CCDC69: variants seen among roughly 807,000 people sequenced by gnomAD.
CCDC69 encodes the protein coiled-coil domain-containing protein 69.
CCDC69 carries 38 observed loss-of-function variants against 40.3 expected under a neutral mutation model. That is an observed-to-expected ratio of 0.94 (90% CI 0.73 to 1.24). The LOEUF (loss-of-function observed/expected upper bound fraction) is 1.24. Ranked by LOEUF, CCDC69 falls within the 50% of genes most tolerant of loss-of-function variation. The pLI is 0.00. For synonymous variants in CCDC69, 141 were observed against 138.9 expected, an observed-to-expected ratio of 1.02 and a Z score of -0.11; for missense variants, 389 against 357.9, an observed-to-expected ratio of 1.09 and a Z score of -0.70.
intron 1 of CCDC69, among the ~76,000 whole-genome samples, chr5:151,221,404 AC>A (rs1417091296): frequency 6.6e-6 from 1 of 151,634 alleles, no homozygotes; most frequent in Non-Finnish European, 1.5e-5. Flanking sequence ...CTTCCAAACC[AC>A]CCTTCCTCAA....
chr5:151,184,273 A>C, intron 8 of CCDC69, 71 bp downstream of exon 8: 2 of 1,157,704 alleles, frequency 1.7e-6, no homozygotes, highest in Non-Finnish European at 2.6e-6. Flanking sequence ...AGGCCCCTCT[A>C]AGACTCTCCC....
chr5:151,184,335 G>C lies in CCDC69; in HGVS notation c.713+9C>G. On this transcript the variant is annotated intron_variant, in intron 8 of 8. Coordinates refer to ENST00000355417, the MANE Select transcript of CCDC69 (RefSeq NM_015621.3). ...GGGATGGGAGTAAAGGAGGCAGGAA[G>C]ACAGCTACCTTGACAGGACCACCTG... The C allele has an allele frequency of 6.2e-7, 1 of 1,609,076 alleles. No homozygotes were observed. The highest frequency in any genetic ancestry group is 2.2e-5 in the East Asian group (1 of 44,880).
chr5:151,187,449 G>C lies in CCDC69; in HGVS notation c.330C>G (p.Ala110=), dbSNP rs61745455. 1.2e-6 allele frequency: 2 copies of C among 1,613,738 alleles called. No homozygotes were observed. Among genetic ancestry groups the C allele is most frequent in the Non-Finnish European group, 1.7e-6 (2 of 1,179,850 alleles). ...GCGCTTCTTTCTCCTGTTCATATGA[G>C]GCCCGGAGGACTGTAGGGAAAGGAG... ...KNEEALQVLR[A]SYEQEKEALT... The change falls in exon 5 of 9, where the codon GCC becomes GCG. Residue 110 remains alanine, a synonymous_variant. Coordinates refer to ENST00000355417, the MANE Select transcript of CCDC69 (RefSeq NM_015621.3).
At chr5:151,192,294 A>G (rs202082940) in intron 4 of CCDC69, among the ~76,000 whole-genome samples, 1 of 151,996 alleles carries the variant, frequency 6.6e-6, no homozygotes, top group East Asian at 1.9e-4. Context: ...CTCAAGCAAG[A>G]CTGACAAAGA....
intron 4 of CCDC69, among the ~76,000 whole-genome samples, chr5:151,189,056 G>A: frequency 6.6e-6 from 1 of 151,948 alleles, no homozygotes; most frequent in Non-Finnish European, 1.5e-5. Flanking sequence ...AGCCTAAAAA[G>A]AAGCAGAAGA....
At position 151,185,969 on chromosome 5, in the gene CCDC69, C is replaced by T. The variant is rs1162979775; in HGVS notation, c.495+54G>A. The T allele has an allele frequency of 3.2e-6, 4 of 1,267,516 alleles. No individual in the cohort carries two copies. In the Admixed American group the frequency reaches 6.7e-5, roughly 21 times the overall value. 78.5% of individuals were successfully genotyped at this position (1,267,516 alleles called of 1,614,324 possible). On this transcript the variant is annotated intron_variant, in intron 6 of 8. Coordinates refer to ENST00000355417, the MANE Select transcript of CCDC69 (RefSeq NM_015621.3). ...GGGCTGGTCTTTCCTGTTGCCCGGCCCTGACCTCCCTGGAGATTCAAGGAG... is the reference window on the plus strand; with the variant it reads ...GGGCTGGTCTTTCCTGTTGCCCGGCTCTGACCTCCCTGGAGATTCAAGGAG...
At chr5:151,187,293 TA>T in intron 5 of CCDC69, 92 bp downstream of exon 5, 1 of 1,064,056 alleles carries the variant, frequency 9.4e-7, no homozygotes, top group Non-Finnish European at 1.4e-6. Flanking sequence ...TAGGCACACG[TA>T]ATCAGTTTTG....
rs765901395 is a variant in CCDC69 at position 151,184,401 on chromosome 5, A to T, written c.656T>A (p.Leu219Gln). The change falls in exon 8 of 9, where the codon CTG (leucine) becomes CAG (glutamine). Residue 219 changes from leucine (L) to glutamine (Q), a missense_variant. Physicochemically the swap from Leu to Gln is moderately radical, Grantham distance 113. Coordinates refer to ENST00000355417, the MANE Select transcript of CCDC69 (RefSeq NM_015621.3). ...ATGGAGGTCCTCATTTTCCTGTTGC[A>T]GGGTCGTAATTTTTTCCTCCAATAT... ...NLILEEKITT[L>Q]QQENEDLHVR... 2 of 1,614,108 alleles carry T rather than the reference A, an allele frequency of 1.2e-6. No individual in the cohort carries two copies. The highest frequency in any genetic ancestry group is 3.3e-5 in the Admixed American group (2 of 60,022).
chr5:151,189,675 C>T (rs379759), intron 4 of CCDC69, among the ~76,000 whole-genome samples: 94,943 of 151,932 alleles, frequency 0.62, 30,266 homozygotes, highest in Admixed American at 0.75. Flanking sequence ...CCAAAGAAAT[C>T]CACACCCAGA....
chr5:151,185,400 C>T, intron 7 of CCDC69, 22 bp downstream of exon 7: 1 of 1,612,890 alleles, frequency 6.2e-7, no homozygotes, highest in Non-Finnish European at 8.5e-7. Context: ...GCTGCATCCC[C>T]CAGCCACTCC....
intron 1 of CCDC69, among the ~76,000 whole-genome samples, chr5:151,218,976 G>A (rs1288250876): frequency 2.6e-5 from 4 of 152,186 alleles, no homozygotes; most frequent in Non-Finnish European, 4.4e-5. Flanking sequence ...GTTGCCAAAC[G>A]CAAAAATCTG....
chr5:151,201,607 T>A lies in CCDC69; in HGVS notation c.206A>T (p.Glu69Val). 1 of 1,613,440 alleles carries A rather than the reference T, an allele frequency of 6.2e-7. No homozygotes were observed. Among genetic ancestry groups the A allele is most frequent in the Non-Finnish European group, 8.5e-7 (1 of 1,179,560 alleles). ...DITRILQQHE[E>V]EKKKWAQQVE... ...CTGTTGTGCCCATTTCTTCTTTTCC[T>A]CCTCATGTTGCTGGAGAATTCTGGT... Residue 69 changes from glutamate (E) to valine (V), a missense_variant, in exon 3 of 9, where the codon GAG becomes GTG. Coordinates refer to ENST00000355417, the MANE Select transcript of CCDC69 (RefSeq NM_015621.3).
chr5:151,214,800 C>G (rs13156736), intron 1 of CCDC69, among the ~76,000 whole-genome samples: 15,008 of 152,168 alleles, frequency 0.099, 803 homozygotes, highest in Middle Eastern at 0.15. Flanking sequence ...CTCAGGGGAG[C>G]AAAGGACCAC....
At chr5:151,223,192 G>A (rs1308995228) in intron 1 of CCDC69, among the ~76,000 whole-genome samples, 3 of 152,166 alleles carry the variant, frequency 2.0e-5, no homozygotes, top group Non-Finnish European at 2.9e-5. Context: ...TGGTCTCACT[G>A]CAAGAAACCT....
intron 1 of CCDC69, chr5:151,212,876 A>G (rs1249110713): frequency 2.2e-6 from 1 of 456,196 alleles, no homozygotes; most frequent in East Asian, 6.9e-5. Flanking sequence ...AAATTTCAGA[A>G]CCATCACAAA....
intron 1 of CCDC69, among the ~76,000 whole-genome samples, chr5:151,218,594 T>A (rs1753086733): frequency 6.6e-6 from 1 of 152,244 alleles, no homozygotes; most frequent in African/African-American, 2.4e-5. Context: ...AGACTTCTGT[T>A]CACTGGCTGA....
At chr5:151,185,943 G>A in intron 6 of CCDC69, 80 bp downstream of exon 6, 1 of 918,002 alleles carries the variant, frequency 1.1e-6, no homozygotes, top group Non-Finnish European at 1.8e-6. Flanking sequence ...TCCTTGAAGA[G>A]GGGCTGGTCT....
intron 1 of CCDC69, among the ~76,000 whole-genome samples, chr5:151,209,382 G>T (rs1752897023): frequency 6.6e-6 from 1 of 152,210 alleles, no homozygotes; most frequent in South Asian, 2.1e-4. Flanking sequence ...CTCATGAAAT[G>T]CTGCCTTCTT....
At chr5:151,191,486 C>T (rs1367398061) in intron 4 of CCDC69, among the ~76,000 whole-genome samples, 1 of 152,132 alleles carries the variant, frequency 6.6e-6, no homozygotes, top group Non-Finnish European at 1.5e-5. Flanking sequence ...CAAACCTTAA[C>T]AAACTATAAA....
Sources: allele counts gnomAD v4.1 joint callset (sites outside exome capture counted in the v4.1 genomes callset), GRCh38; gene constraint gnomAD v4.1.1; transcripts MANE v1.5; gene names NCBI Gene and HGNC (gene_info 2026-07-23, HGNC 2026-07-21).